The following ZNRF1 variants were observed in gnomAD, a reference collection of about 807,000 sequenced individuals.
ZNRF1 encodes E3 ubiquitin-protein ligase ZNRF1.
Under a neutral mutation model 18.4 loss-of-function variants are expected in ZNRF1, and 3 were observed. The ratio of observed to expected loss-of-function variants is 0.16; its 90% confidence interval spans 0.07 to 0.42. ZNRF1 has a LOEUF of 0.42. Among genes scored for constraint, ZNRF1 ranks in the 10% least tolerant of loss-of-function variants. ZNRF1 has a pLI of 0.99. For missense variants in ZNRF1, 310 were observed against 329.8 expected (o/e 0.94, Z 0.47); for synonymous variants, 157 against 144.2 (o/e 1.09, Z -0.64).
intron 1 of ZNRF1, among the ~76,000 whole-genome samples, chr16:75,043,219 A>G (rs150328997): frequency 1.1e-4 from 17 of 152,240 alleles, no homozygotes; most frequent in African/African-American, 3.9e-4. Context: ...CTCAGCCCTG[A>G]GCTGTGGCCA....
chr16:75,081,570 C>T (rs1023189396), intron 1 of ZNRF1, among the ~76,000 whole-genome samples: 8 of 152,288 alleles, frequency 5.3e-5, no homozygotes, highest in East Asian at 1.9e-4. Flanking sequence ...ATTGCCCAAA[C>T]GCTAGAAGTC....
At chr16:75,069,212 C>T (rs183701692) in intron 1 of ZNRF1, among the ~76,000 whole-genome samples, 138 of 152,260 alleles carry the variant, frequency 9.1e-4, no homozygotes, top group Middle Eastern at 3.4e-3. Context: ...TTGCTTTGCA[C>T]ATAGACATCT....
intron 1 of ZNRF1, among the ~76,000 whole-genome samples, chr16:75,038,207 T>A (rs559085043): frequency 3.9e-5 from 6 of 152,222 alleles, no homozygotes; most frequent in Non-Finnish European, 5.9e-5. Context: ...AGGGCTCAGC[T>A]GGATGGTTCT....
intron 1 of ZNRF1, among the ~76,000 whole-genome samples, chr16:75,014,175 A>G (rs1376330908): frequency 6.6e-6 from 1 of 152,186 alleles, no homozygotes; most frequent in Non-Finnish European, 1.5e-5. Flanking sequence ...CATTCAAGAA[A>G]GATAATATGC....
intron 3 of ZNRF1, 80 bp downstream of exon 3, chr16:75,104,969 T>C: frequency 8.2e-7 from 1 of 1,225,294 alleles, no homozygotes; most frequent in Non-Finnish European, 1.2e-6. Flanking sequence ...TTCTGTCTCC[T>C]TTGGTTATGG....
intron 1 of ZNRF1, among the ~76,000 whole-genome samples, chr16:75,068,214 A>T (rs1205680987): frequency 8.6e-6 from 1 of 116,528 alleles, no homozygotes; most frequent in African/African-American, 2.9e-5. Flanking sequence ...AAAAAAAAAA[A>T]TTAGCTGGGC....
At chr16:75,047,204 A>C (rs1304824915) in intron 1 of ZNRF1, among the ~76,000 whole-genome samples, 2 of 152,178 alleles carry the variant, frequency 1.3e-5, no homozygotes, top group Non-Finnish European at 2.9e-5. Context: ...ATGGGGTCCC[A>C]CCCTGTTACT....
At chr16:75,059,294 C>A (rs1345342303) in intron 1 of ZNRF1, among the ~76,000 whole-genome samples, 1 of 114,726 alleles carries the variant, frequency 8.7e-6, no homozygotes, top group Non-Finnish European at 1.6e-5. Flanking sequence ...GTCCCCCAGG[C>A]TGGAGTGCAA....
intron 1 of ZNRF1, among the ~76,000 whole-genome samples, chr16:75,006,995 A>G (rs1034200492): frequency 6.6e-6 from 1 of 151,480 alleles, no homozygotes; most frequent in Non-Finnish European, 1.5e-5. Flanking sequence ...AGTTGTGGGT[A>G]TGAGTGAATA....
intron 1 of ZNRF1, among the ~76,000 whole-genome samples, chr16:75,017,741 A>T (rs1229713186): frequency 6.6e-6 from 1 of 152,214 alleles, no homozygotes; most frequent in Non-Finnish European, 1.5e-5. Flanking sequence ...CTTGGATCCA[A>T]TCTGTTGAAA....
At chr16:75,103,170 C>G (rs1488722513) in intron 2 of ZNRF1, among the ~76,000 whole-genome samples, 6 of 152,186 alleles carry the variant, frequency 3.9e-5, no homozygotes, top group African/African-American at 7.2e-5. Context: ...CATGGCTATT[C>G]ACTGTCGCCG....
intron 1 of ZNRF1, among the ~76,000 whole-genome samples, chr16:75,020,664 C>T (rs1035146773): frequency 3.3e-5 from 5 of 152,028 alleles, no homozygotes; most frequent in African/African-American, 1.2e-4. Context: ...GCTTCAGCCT[C>T]CCAAGTAGCT....
rs59324869 is a variant in ZNRF1, at chr16:75,043,790, C to CTTTTTTTTTTTTTTTTTTTTTT, written c.424+43711_424+43712insTTTTTTTTTTTTTTTTTTTTTT. ...AGGAGCCAGCCATTCTTGCTTTGTA[C>CTTTTTTTTTTTTTTTTTTTTTT]TTTTTTTTTTTTTTTTGAGACAGAG... On this transcript the variant is annotated intron_variant, in intron 1 of 4. Transcript: ENST00000335325. Among the ~76,000 whole-genome samples the CTTTTTTTTTTTTTTTTTTTTTT allele has an allele frequency of 5.3e-5, 4 of 75,172 alleles. 2 individuals carry two copies. Among genetic ancestry groups the CTTTTTTTTTTTTTTTTTTTTTT allele is most frequent in the Non-Finnish European group, 1.0e-4 (4 of 38,390 alleles). The allele number at this position is 75,172 out of a possible 152,430, so 49.3% of individuals were successfully genotyped here. A position where few individuals can be genotyped will look rare whatever the true frequency, so the allele number is the denominator to read the frequency against.
intron 1 of ZNRF1, among the ~76,000 whole-genome samples, chr16:75,050,212 A>T (rs1751165374): frequency 6.6e-6 from 1 of 152,070 alleles, no homozygotes; most frequent in Admixed American, 6.6e-5. Context: ...CGGTTTGTTT[A>T]ATCCATCCGA....
chr16:74,999,809 G>A lies in ZNRF1; in HGVS notation c.138G>A (p.Leu46=). Residue 46 remains leucine (L), a synonymous_variant, in exon 1 of 5, where the codon CTG becomes CTA. Transcript: ENST00000335325. ...HYRTGGGAMG[L]RSRSVSSVAG... is the part of the protein sequence containing the mutation. ...GGACGGGCGGCGGGGCCATGGGGCT[G>A]CGCAGCCGCTCGGTCAGCTCGGTGG... 6.9e-7 allele frequency: 1 copy of A among 1,443,768 alleles called. No homozygotes were observed. The highest frequency in any genetic ancestry group is 9.1e-7 in the Non-Finnish European group (1 of 1,104,140). The allele number at this position is 1,443,768 out of a possible 1,614,324, so 89.4% of individuals were successfully genotyped here.
In ZNRF1 at chr16:74,999,377, G is replaced by C. The variant is rs1360854445; in HGVS notation, c.-295G>C. On this transcript the variant is annotated 5_prime_UTR_variant, in exon 1 of 5. Coordinates refer to ENST00000335325, the MANE Select transcript of ZNRF1 (RefSeq NM_032268.5). ...GCTCCCCCGGCTTTCGGAGCCCGGG[G>C]GCGGCCTGTGGCGCGCGGAGCCCGC... 1 of 240,916 alleles carries C rather than the reference G, an allele frequency of 4.2e-6. No individual in the cohort carries two copies. The highest frequency in any genetic ancestry group is 7.9e-6 in the Non-Finnish European group (1 of 126,222). 14.9% of individuals were successfully genotyped at this position (240,916 alleles called of 1,614,324 possible). A position where few individuals can be genotyped will look rare whatever the true frequency, so the allele number is the denominator to read the frequency against.
intron 1 of ZNRF1, among the ~76,000 whole-genome samples, chr16:75,052,309 G>A (rs2035616353): frequency 6.6e-6 from 1 of 151,476 alleles, no homozygotes; most frequent in South Asian, 2.1e-4. Flanking sequence ...GCTGAGGTGG[G>A]AAAATTGCTT....
At chr16:75,096,930 C>T (rs530201180) in intron 2 of ZNRF1, among the ~76,000 whole-genome samples, 1 of 152,242 alleles carries the variant, frequency 6.6e-6, no homozygotes, top group East Asian at 1.9e-4. Context: ...AGGCACCTGG[C>T]TGGGGAAGTT....
At chr16:75,012,778 G>C (rs554033257) in intron 1 of ZNRF1, among the ~76,000 whole-genome samples, 3 of 152,150 alleles carry the variant, frequency 2.0e-5, no homozygotes, top group Non-Finnish European at 4.4e-5. Context: ...AGCTACAGAC[G>C]GGAAGGGCTG....
Sources: allele counts gnomAD v4.1 joint callset (sites outside exome capture counted in the v4.1 genomes callset), GRCh38; gene constraint gnomAD v4.1.1; transcripts MANE v1.5; gene names NCBI Gene and HGNC (gene_info 2026-07-23, HGNC 2026-07-21).